The following PPFIBP2 variants were observed in gnomAD, a reference collection of about 807,000 sequenced individuals.
PPFIBP2 encodes the protein PPFIB scaffold protein 2.
PPFIBP2 carries 118 observed loss-of-function variants against 118.3 expected under a neutral mutation model. That is an observed-to-expected ratio of 1.00 (90% confidence interval 0.86 to 1.16). The LOEUF is 1.16. Among genes scored for constraint, PPFIBP2 ranks in the 50% most tolerant of loss-of-function variants. The probability of loss-of-function intolerance (pLI) is 0.00; values close to 1 mark genes in which losing one functional copy is unlikely to be tolerated. For missense variants in PPFIBP2, 1,195 were observed against 1,073.1 expected (o/e 1.11, Z -1.59); for synonymous variants, 414 against 397.4 (o/e 1.04, Z -0.50).
chr11:7,625,902 T>G lies in PPFIBP2; in HGVS notation c.826+11T>G. 1 of 1,610,080 alleles carries G rather than the reference T, an allele frequency of 6.2e-7. No individual in the cohort carries two copies. Among genetic ancestry groups the G allele is most frequent in the South Asian group, 1.1e-5 (1 of 90,890 alleles). ...GTCACACAGAGAGAGGTGACTAGCT[T>G]GACTCTGACAAAATGCAGTTGTCTG... On this transcript the variant is annotated intron_variant, in intron 8 of 23. Transcript: ENST00000299492.
chr11:7,625,290 C>T (rs989790577), intron 7 of PPFIBP2, among the ~76,000 whole-genome samples: 3 of 152,066 alleles, frequency 2.0e-5, no homozygotes, highest in Non-Finnish European at 4.4e-5. Context: ...ACCTTTTCTT[C>T]AGCAGTGGTG....
intron 2 of PPFIBP2, among the ~76,000 whole-genome samples, chr11:7,564,808 G>T (rs1294114393): frequency 6.6e-6 from 1 of 152,158 alleles, no homozygotes; most frequent in Admixed American, 6.5e-5. Flanking sequence ...GGCAGTTTAG[G>T]GTCAAAGAGA....
At chr11:7,555,984 A>T (rs2134607806) in intron 2 of PPFIBP2, among the ~76,000 whole-genome samples, 1 of 152,274 alleles carries the variant, frequency 6.6e-6, no homozygotes, top group East Asian at 1.9e-4. Context: ...AAGTTTTTCT[A>T]GAAATGTGTC....
At chr11:7,629,646 C>A in intron 10 of PPFIBP2, 112 bp downstream of exon 10, 1 of 1,028,602 alleles carries the variant, frequency 9.7e-7, no homozygotes, top group Non-Finnish European at 1.5e-6. Flanking sequence ...GAGAAGACTC[C>A]CTACTGGAGA....
At chr11:7,526,467 A>G (rs1240072002) in intron 1 of PPFIBP2, among the ~76,000 whole-genome samples, 1 of 152,244 alleles carries the variant, frequency 6.6e-6, no homozygotes, top group Non-Finnish European at 1.5e-5. Context: ...AAGAAGCTGG[A>G]CTTTACCCTG....
At chr11:7,552,816 C>T (rs78700379) in intron 2 of PPFIBP2, among the ~76,000 whole-genome samples, 1,925 of 152,194 alleles carry the variant, frequency 0.013, 65 homozygotes, top group African/African-American at 0.044. Flanking sequence ...GTTACCGTAC[C>T]GGAAGGCCTT....
chr11:7,664,396 G>C, the PPFIBP2 span, among the ~76,000 whole-genome samples: 2 of 152,134 alleles, frequency 1.3e-5, no homozygotes, highest in African/African-American at 4.8e-5. Flanking sequence ...CTGTCACTTT[G>C]GGCTGCGTAA....
the PPFIBP2 span, chr11:7,666,989 G>A: frequency 1.3e-5 from 2 of 153,896 alleles, no homozygotes; most frequent in African/African-American, 4.8e-5. Context: ...AACAGCACTG[G>A]ATATGTGAAG....
At chr11:7,593,307 A>AT (rs1859680400) in intron 4 of PPFIBP2, 83 bp downstream of exon 4, 2 of 1,507,646 alleles carry the variant, frequency 1.3e-6, no homozygotes, top group Non-Finnish European at 1.8e-6. Flanking sequence ...AGCCCAAGAG[A>AT]TTTTCTCTGT....
chr11:7,522,906 G>A (rs893241061), intron 1 of PPFIBP2, among the ~76,000 whole-genome samples: 4 of 152,096 alleles, frequency 2.6e-5, no homozygotes, highest in Admixed American at 6.5e-5. Context: ...CAATTCCATG[G>A]GAAGTTGTAT....
At chr11:7,525,037 C>G (rs1850101757) in intron 1 of PPFIBP2, among the ~76,000 whole-genome samples, 1 of 152,094 alleles carries the variant, frequency 6.6e-6, no homozygotes, top group South Asian at 2.1e-4. Context: ...GGCACAATGC[C>G]CCGGGCAGGG....
chr11:7,649,347 G>C (rs1320286188), intron 20 of PPFIBP2, 112 bp downstream of exon 20: 2 of 1,262,722 alleles, frequency 1.6e-6, no homozygotes, highest in Non-Finnish European at 2.3e-6. Flanking sequence ...CCTTGAAATA[G>C]TATCATTTGT....
chr11:7,610,346 T>A lies in PPFIBP2; in HGVS notation c.542T>A (p.Val181Glu), dbSNP rs745983656. 1 of 1,614,128 alleles carries A rather than the reference T, an allele frequency of 6.2e-7. No individual in the cohort carries two copies. Among genetic ancestry groups the A allele is most frequent in the South Asian group, 1.1e-5 (1 of 91,074 alleles). ...CAGAAGCTCGATCTGATGACTGAAG[T>A]GTCTGAGCTGAAGCTCAAGCTGGTT... ...ETQKLDLMTE[V>E]SELKLKLVGM... The change falls in exon 6 of 24, where the codon GTG (valine) becomes GAG (glutamate). Residue 181 changes from valine to glutamate, a missense_variant. By Grantham distance (121) the Val-to-Glu change is moderately radical (BLOSUM62 -2). Coordinates refer to ENST00000299492, the MANE Select transcript of PPFIBP2 (RefSeq NM_003621.5).
chr11:7,537,553 C>T (rs976320180), intron 1 of PPFIBP2, among the ~76,000 whole-genome samples: 1 of 152,218 alleles, frequency 6.6e-6, no homozygotes, highest in African/African-American at 2.4e-5. Context: ...ACATCTTAGC[C>T]TTGAAAGATA....
At chr11:7,658,003 G>A (rs1854799885), downstream of PPFIBP2, among the ~76,000 whole-genome samples, 1 of 152,190 alleles carries the variant, frequency 6.6e-6, no homozygotes, top group African/African-American at 2.4e-5. Context: ...TCCATGCCAG[G>A]GCTAGAGATA....
chr11:7,636,778 T>G (rs964779748), intron 14 of PPFIBP2, among the ~76,000 whole-genome samples: 1 of 152,204 alleles, frequency 6.6e-6, no homozygotes, highest in African/African-American at 2.4e-5. Flanking sequence ...TTACATGGTT[T>G]TGGCCATAAT....
chr11:7,578,383 C>T (rs1856768556), intron 3 of PPFIBP2, among the ~76,000 whole-genome samples: 1 of 152,190 alleles, frequency 6.6e-6, no homozygotes, highest in African/African-American at 2.4e-5. Flanking sequence ...AAGCAGCTGA[C>T]AGGTTAGAGA....
At position 7,610,346 on chromosome 11, in the gene PPFIBP2, T is replaced by C. The variant is rs745983656; in HGVS notation, c.542T>C (p.Val181Ala). 1 of 1,614,128 alleles carries C rather than the reference T, an allele frequency of 6.2e-7. No homozygotes were observed. Among genetic ancestry groups the C allele is most frequent in the Admixed American group, 1.7e-5 (1 of 60,026 alleles). The change falls in exon 6 of 24, where the codon GTG (valine) becomes GCG (alanine). Residue 181 changes from valine to alanine, a missense_variant. Physicochemically the swap from Val to Ala is moderately conservative, Grantham distance 64. Coordinates refer to ENST00000299492, the MANE Select transcript of PPFIBP2 (RefSeq NM_003621.5). ...CAGAAGCTCGATCTGATGACTGAAG[T>C]GTCTGAGCTGAAGCTCAAGCTGGTT... is the stretch of plus-strand genomic sequence containing the variant. ...ETQKLDLMTEVSELKLKLVGM... is the reference protein window; with the variant it reads ...ETQKLDLMTEASELKLKLVGM...
At chr11:7,542,591 AT>A (rs1259136139) in intron 1 of PPFIBP2, among the ~76,000 whole-genome samples, 1 of 151,946 alleles carries the variant, frequency 6.6e-6, no homozygotes, top group African/African-American at 2.4e-5. Flanking sequence ...CTGCTTTATT[AT>A]TTTCCCCCCA....
Sources: gnomAD v4.1 joint callset for allele counts (sites outside exome capture counted in the v4.1 genomes callset) on GRCh38, gnomAD v4.1.1 for gene constraint, MANE v1.5 for transcripts, NCBI Gene and HGNC (gene_info 2026-07-23, HGNC 2026-07-21) for gene names.